The following GNB1 variants were observed in gnomAD, a reference collection of about 807,000 sequenced individuals.
GNB1 encodes G protein subunit beta 1.
Under a neutral mutation model 42.9 loss-of-function variants are expected in GNB1, and 2 were observed. The observed-to-expected ratio is 0.05, with a 90% CI of 0.02 to 0.15. The LOEUF (loss-of-function observed/expected upper bound fraction) is 0.15. GNB1 is among the 10% of genes least tolerant of loss of function. The pLI is 1.00. For synonymous variants in GNB1, 183 were observed against 174.7 expected (o/e 1.05, Z -0.38); for missense variants, 193 against 462.2 (o/e 0.42, Z 5.34).
intron 7 of GNB1, among the ~76,000 whole-genome samples, chr1:1,797,241 A>C (rs1646558585): frequency 6.6e-6 from 1 of 152,142 alleles, no homozygotes; most frequent in South Asian, 2.1e-4. Flanking sequence ...GAACTGCCTA[A>C]ATGTCTCACA....
intron 5 of GNB1, among the ~76,000 whole-genome samples, chr1:1,810,840 G>A (rs536906279): frequency 4.6e-5 from 7 of 151,704 alleles, no homozygotes; most frequent in African/African-American, 1.4e-4. Flanking sequence ...GTTAACTTTT[G>A]TATTTTTGGC....
intron 4 of GNB1, among the ~76,000 whole-genome samples, chr1:1,816,205 A>G (rs1453265569): frequency 1.3e-5 from 2 of 151,952 alleles, no homozygotes; most frequent in African/African-American, 4.8e-5. Context: ...GTTCTTTGAG[A>G]TCTCGCAACT....
At chr1:1,886,704 T>A (rs566757085) in intron 1 of GNB1, among the ~76,000 whole-genome samples, 2 of 152,276 alleles carry the variant, frequency 1.3e-5, no homozygotes, top group African/African-American at 2.4e-5. Context: ...CAGTTTAAAA[T>A]TTTTTTTATT....
At chr1:1,825,321 C>A in intron 3 of GNB1, 76 bp downstream of exon 3, 3 of 1,008,846 alleles carry the variant, frequency 3.0e-6, no homozygotes, top group South Asian at 2.6e-5. Context: ...ATCCTGTAAA[C>A]CATTTTTCCT....
At chr1:1,831,067 A>G (rs897631712) in intron 2 of GNB1, among the ~76,000 whole-genome samples, 1 of 152,184 alleles carries the variant, frequency 6.6e-6, no homozygotes, top group African/African-American at 2.4e-5. Flanking sequence ...CGGGAGGCTT[A>G]GGTGGGAGAA....
At chr1:1,855,965 T>TGTGTTCTCAG (rs1553202449) in intron 1 of GNB1, among the ~76,000 whole-genome samples, 8 of 152,264 alleles carry the variant, frequency 5.3e-5, no homozygotes, top group African/African-American at 1.9e-4. Flanking sequence ...TTTTCACCAC[T>TGTGTTCTCAG]GTGTTCTCAG....
chr1:1,803,964 A>G (rs1457389579), intron 7 of GNB1, among the ~76,000 whole-genome samples: 8 of 135,598 alleles, frequency 5.9e-5, no homozygotes, highest in Non-Finnish European at 9.2e-5. Flanking sequence ...CCTGGGTGAC[A>G]TAGTGAGACT....
chr1:1,845,824 T>TACACACACACACAC (rs55953457), intron 1 of GNB1, among the ~76,000 whole-genome samples: 18 of 140,358 alleles, frequency 1.3e-4, no homozygotes, highest in South Asian at 4.8e-4. Context: ...TGTAAGTCCA[T>TACACACACACACAC]ACACACACAC....
chr1:1,824,842 G>A (rs1199862710), intron 3 of GNB1: 1 of 152,160 alleles, frequency 6.6e-6, no homozygotes, highest in East Asian at 1.9e-4. Flanking sequence ...CCAAACTGCT[G>A]GGATTCCAGG....
chr1:1,825,326 T>C, intron 3 of GNB1, 71 bp downstream of exon 3: 1 of 1,075,614 alleles, frequency 9.3e-7, no homozygotes, highest in Non-Finnish European at 1.4e-6. Flanking sequence ...GTAAACCATT[T>C]TTCCTAAAAC....
chr1:1,800,753 TAA>T (rs943269814), intron 7 of GNB1, among the ~76,000 whole-genome samples: 57 of 115,290 alleles, frequency 4.9e-4, no homozygotes, highest in African/African-American at 1.6e-3. Context: ...TTTAGATTGT[TAA>T]AAAAAAAAAA....
intron 1 of GNB1, among the ~76,000 whole-genome samples, chr1:1,874,476 G>A (rs1001834965): frequency 6.6e-6 from 1 of 151,916 alleles, no homozygotes; most frequent in Non-Finnish European, 1.5e-5. Flanking sequence ...GCGTGGCGGT[G>A]TGCACCTGTA....
intron 4 of GNB1, 28 bp downstream of exon 4, chr1:1,817,809 G>A (rs1646877154): frequency 6.4e-7 from 1 of 1,560,114 alleles, no homozygotes; most frequent in Admixed American, 1.7e-5. Context: ...ACAGGCAGAT[G>A]GCTCTGCGTG....
At chr1:1,855,508 T>C (rs1422819338) in intron 1 of GNB1, among the ~76,000 whole-genome samples, 2 of 151,832 alleles carry the variant, frequency 1.3e-5, no homozygotes, top group Non-Finnish European at 2.9e-5. Flanking sequence ...AAGACCATCC[T>C]GGCTAACACA....
chr1:1,798,732 C>T (rs901552126), intron 7 of GNB1, among the ~76,000 whole-genome samples: 3 of 152,126 alleles, frequency 2.0e-5, no homozygotes, highest in African/African-American at 4.8e-5. Flanking sequence ...GACGGAGTTT[C>T]GCTCTTGTTG....
intron 1 of GNB1, among the ~76,000 whole-genome samples, chr1:1,885,274 ATGG>A (rs1650084469): frequency 6.6e-6 from 1 of 151,044 alleles, no homozygotes; most frequent in Non-Finnish European, 1.5e-5. Flanking sequence ...TTAGCCAGGC[ATGG>A]TGGCGGGCAC....
At chr1:1,861,967 G>A (rs1426137831) in intron 1 of GNB1, among the ~76,000 whole-genome samples, 1 of 152,046 alleles carries the variant, frequency 6.6e-6, no homozygotes. Context: ...TCGGGAGGCT[G>A]AGGCAAGAGA....
chr1:1,825,822 G>C (rs1470472839), intron 2 of GNB1, among the ~76,000 whole-genome samples: 1 of 150,248 alleles, frequency 6.7e-6, no homozygotes, highest in African/African-American at 2.5e-5. Context: ...CCGAGATGGC[G>C]CCAGTGCACT....
Position 1,850,424 on chromosome 1 carries a change from C to T in GNB1, c.-95-11186G>A, listed in dbSNP as rs1258846743. ...CTGGGATTACAAGGGTGAGCCACCG[C>T]GCCCAGCCTAAATGCTATTTTTGTT... On this transcript the variant is annotated intron_variant, in intron 1 of 11. Coordinates refer to ENST00000378609, the MANE Select transcript of GNB1 (RefSeq NM_002074.5). Among the ~76,000 whole-genome samples, 62 of 151,976 alleles carry T rather than the reference C, an allele frequency of 4.1e-4. 2 individuals are homozygous for T. Among genetic ancestry groups the T allele is most frequent in the Admixed American group, 4.0e-3 (61 of 15,228 alleles).
Sources: gnomAD v4.1 joint callset for allele counts (sites outside exome capture counted in the v4.1 genomes callset) on GRCh38, gnomAD v4.1.1 for gene constraint, MANE v1.5 for transcripts, NCBI Gene and HGNC (gene_info 2026-07-23, HGNC 2026-07-21) for gene names.